Variants in GPHN observed in about 807,000 individuals in gnomAD.
GPHN encodes the protein gephyrin.
GPHN carries 17 observed loss-of-function variants against 95.5 expected under a neutral mutation model. The ratio of observed to expected loss-of-function variants is 0.18; its 90% CI spans 0.12 to 0.27. The LOEUF (loss-of-function observed/expected upper bound fraction) is 0.27. GPHN is among the 10% of genes least tolerant of loss of function. The probability of loss-of-function intolerance (pLI) is 1.00; values close to 1 mark genes in which losing one functional copy is unlikely to be tolerated. For synonymous variants in GPHN, 320 were observed against 322.5 expected, an observed-to-expected ratio of 0.99 and a Z score of 0.08; for missense variants, 660 against 978.1, an observed-to-expected ratio of 0.67 and a Z score of 4.34.
chr14:66,873,434 G>A (rs934689558), intron 4 of GPHN, among the ~76,000 whole-genome samples: 1 of 152,146 alleles, frequency 6.6e-6, no homozygotes, highest in Non-Finnish European at 1.5e-5. Flanking sequence ...CCCTGGAAAG[G>A]GGGCTGAAGC....
chr14:67,679,967 T>A, the GPHN span, among the ~76,000 whole-genome samples: 3 of 152,220 alleles, frequency 2.0e-5, no homozygotes, highest in Admixed American at 2.0e-4. Flanking sequence ...ATTAACTATA[T>A]ATGCAAACTC....
intron 8 of GPHN, among the ~76,000 whole-genome samples, chr14:66,944,709 G>C (rs2067639178): frequency 6.6e-6 from 1 of 152,248 alleles, no homozygotes; most frequent in Non-Finnish European, 1.5e-5. Context: ...AGAAAAAGAT[G>C]CCTGGGGAAG....
the GPHN span, among the ~76,000 whole-genome samples, chr14:67,468,165 G>A: frequency 6.6e-6 from 1 of 152,032 alleles, no homozygotes; most frequent in Non-Finnish European, 1.5e-5. Context: ...GTAGAGATGG[G>A]GTTTCACCAT....
intron 1 of GPHN, among the ~76,000 whole-genome samples, chr14:66,545,347 C>G (rs1183352130): frequency 7.0e-6 from 1 of 142,376 alleles, no homozygotes; most frequent in Non-Finnish European, 1.5e-5. Flanking sequence ...GACCCCCCCA[C>G]CTCCCTCCCG....
At chr14:66,666,009 C>A (rs2065929383) in intron 1 of GPHN, among the ~76,000 whole-genome samples, 1 of 151,468 alleles carries the variant, frequency 6.6e-6, no homozygotes, top group Non-Finnish European at 1.5e-5. Context: ...GGACAAAAAA[C>A]CAAACACCGC....
At chr14:67,430,985 A>G in the GPHN span, among the ~76,000 whole-genome samples, 5 of 152,166 alleles carry the variant, frequency 3.3e-5, no homozygotes, top group African/African-American at 1.2e-4. Context: ...ACCTGGCAGG[A>G]GAGTCCCTAT....
the GPHN span, among the ~76,000 whole-genome samples, chr14:67,368,695 AAAGGTT>A: frequency 6.6e-6 from 1 of 151,226 alleles, no homozygotes; most frequent in Non-Finnish European, 1.5e-5. Flanking sequence ...AGTAAAATTA[AAAGGTT>A]AAGGATGTAT....
intron 4 of GPHN, among the ~76,000 whole-genome samples, chr14:66,838,142 C>T (rs1472468760): frequency 6.6e-6 from 1 of 152,056 alleles, no homozygotes; most frequent in East Asian, 1.9e-4. Context: ...TAGTGTGCAA[C>T]CCCATGCAAT....
At chr14:67,607,599 TC>T in the GPHN span, among the ~76,000 whole-genome samples, 1 of 152,178 alleles carries the variant, frequency 6.6e-6, no homozygotes, top group Non-Finnish European at 1.5e-5. Context: ...TCTCTTGACT[TC>T]GTGATCTGCC....
intron 1 of GPHN, among the ~76,000 whole-genome samples, chr14:66,582,109 C>G (rs901903586): frequency 6.6e-6 from 1 of 152,086 alleles, no homozygotes; most frequent in South Asian, 2.1e-4. Context: ...TTGGAAACTT[C>G]CCCAGGATAG....
chr14:67,730,556 C>A, the GPHN span, among the ~76,000 whole-genome samples: 1 of 152,182 alleles, frequency 6.6e-6, no homozygotes, highest in African/African-American at 2.4e-5. Context: ...AAGTACAATG[C>A]AAATATTTCA....
chr14:67,144,252 T>A (rs879976033), intron 18 of GPHN, among the ~76,000 whole-genome samples: 3,627 of 44,428 alleles, frequency 0.082, 131 homozygotes, highest in Non-Finnish European at 0.097. Flanking sequence ...AAAAAAAAAA[T>A]ATATATATAT....
intron 1 of GPHN, among the ~76,000 whole-genome samples, chr14:66,513,293 A>G (rs2058112420): frequency 6.6e-6 from 1 of 151,800 alleles, no homozygotes; most frequent in Non-Finnish European, 1.5e-5. Flanking sequence ...AGGACTTGAA[A>G]AAGTATTAGT....
chr14:66,623,737 A>AAACTAAGT (rs1047749655), intron 1 of GPHN, among the ~76,000 whole-genome samples: 1 of 151,996 alleles, frequency 6.6e-6, no homozygotes, highest in African/African-American at 2.4e-5. Context: ...CTCAAGGAGA[A>AAACTAAGT]AACTAAGTGC....
intron 2 of GPHN, among the ~76,000 whole-genome samples, chr14:66,768,414 A>AAAAAT (rs2059042767): frequency 6.6e-6 from 1 of 152,006 alleles, no homozygotes; most frequent in Non-Finnish European, 1.5e-5. Flanking sequence ...TCTATTTCAT[A>AAAAAT]CCTGCTTTAT....
At chr14:66,870,505 C>T (rs945434098) in intron 4 of GPHN, among the ~76,000 whole-genome samples, 1 of 152,172 alleles carries the variant, frequency 6.6e-6, no homozygotes, top group Admixed American at 6.5e-5. Flanking sequence ...ATTGAATCCA[C>T]AGATGTTGAA....
chr14:67,110,002 C>T (rs2078274552), intron 13 of GPHN, 138 bp from the exon 14 acceptor site: 1 of 734,428 alleles, frequency 1.4e-6, no homozygotes, highest in Non-Finnish European at 2.3e-6. Flanking sequence ...GCTTTTATTA[C>T]ACTGGCCCAA....
intron 9 of GPHN, among the ~76,000 whole-genome samples, chr14:66,992,446 T>A (rs1241746224): frequency 6.6e-6 from 1 of 152,144 alleles, no homozygotes; most frequent in Non-Finnish European, 1.5e-5. Flanking sequence ...AATACCTGAA[T>A]CAAGTTAGAA....
the GPHN span, among the ~76,000 whole-genome samples, chr14:67,452,545 T>C: frequency 1.2e-4 from 19 of 152,266 alleles, 1 homozygote; most frequent in Admixed American, 9.2e-4. Flanking sequence ...CAATACAAGG[T>C]CCAAGTGGCC....
Sources: gnomAD v4.1 joint callset for allele counts (sites outside exome capture counted in the v4.1 genomes callset) on GRCh38, gnomAD v4.1.1 for gene constraint, MANE v1.5 for transcripts, NCBI Gene and HGNC (gene_info 2026-07-23, HGNC 2026-07-21) for gene names.